Variants in ATM observed in about 807,000 individuals in gnomAD.
ATM encodes serine-protein kinase ATM.
In ATM, 308 loss-of-function variants were observed where a neutral mutation model predicts 387.0. The observed-to-expected ratio is 0.80, with a 90% confidence interval of 0.73 to 0.87. ATM has a LOEUF of 0.87. ATM is among the 40% of genes least tolerant of loss of function. The pLI, the probability that ATM is intolerant of heterozygous loss-of-function variation, is 0.00. For missense variants in ATM, 3,312 were observed against 3,560.9 expected, an observed-to-expected ratio of 0.93 and a Z score of 1.78; for synonymous variants, 1,156 against 1,187.3, an observed-to-expected ratio of 0.97 and a Z score of 0.54.
chr11:108,292,922 GA>G, intron 30 of ATM, 129 bp downstream of exon 30: 2 of 1,164,670 alleles, frequency 1.7e-6, no homozygotes, highest in Non-Finnish European at 2.5e-6. Context: ...AAAATGATTG[GA>G]AAAATATTCT....
rs567344545 is a variant in ATM at position 108,281,070 on chromosome 11, G to C, written c.3478G>C (p.Val1160Leu). The C allele has an allele frequency of 8.7e-6, 14 of 1,613,762 alleles. No individual in the cohort carries two copies. The highest frequency in any genetic ancestry group is 1.2e-5 in the Non-Finnish European group (14 of 1,179,850). The change falls in exon 24 of 63, where the codon GTG becomes CTG. Residue 1160 changes from valine to leucine, a missense_variant. Around this residue, in one of 4 missense-constraint regions of ATM, gnomAD observed 1,791 missense variants for 1,804.5 expected, o/e 0.99. Coordinates refer to ENST00000675843, the MANE Select transcript of ATM (RefSeq NM_000051.4). ...RKSVLLTLIA[V>L]VLSCSPICEK... Reference sequence around the variant, plus strand: ...ATCTGTTTTACTGACGTTGATAGCTGTGGTTTTATCCTGTAGCCCTATCTG... The same window carrying C: ...ATCTGTTTTACTGACGTTGATAGCTCTGGTTTTATCCTGTAGCCCTATCTG...
rs1220608739 is a variant in ATM at position 108,253,852 on chromosome 11, CAGAAGT to C, written c.1943_1948del (p.Val648_Glu649del). 6.2e-7 allele frequency: 1 copy of C among 1,613,704 alleles called. No homozygotes were observed. Among genetic ancestry groups the C allele is most frequent in the Non-Finnish European group, 8.5e-7 (1 of 1,179,910 alleles). On this transcript the variant is annotated inframe_deletion, in exon 13 of 63. Transcript: ENST00000675843. ...AAAGATAAAGAAGAACTTTCATTCT[CAGAAGT>C]AGAAGAACTATTTCTTCAGACAACT...
chr11:108,258,643 T>C (rs1268938244), intron 15 of ATM, among the ~76,000 whole-genome samples: 1 of 152,224 alleles, frequency 6.6e-6, no homozygotes, highest in Non-Finnish European at 1.5e-5. Flanking sequence ...TACATGGCCA[T>C]ATAGCAATAT....
At chr11:108,298,078 C>A (rs2083220484) in intron 33 of ATM, among the ~76,000 whole-genome samples, 1 of 152,046 alleles carries the variant, frequency 6.6e-6, no homozygotes, top group African/African-American at 2.4e-5. Context: ...TAATTAAAAA[C>A]CATTCAAGTC....
In ATM at chr11:108,284,606, A is replaced by G. The variant is rs142220799; in HGVS notation, c.3993+133A>G. 2,892 of 1,232,712 alleles carry G rather than the reference A, an allele frequency of 2.3e-3. 33 individuals are homozygous for G. The African/African-American group carries it at 0.025, about 11-fold the overall frequency. 76.4% of individuals were successfully genotyped at this position (1,232,712 alleles called of 1,614,324 possible). A position where few individuals can be genotyped will look rare whatever the true frequency, so the allele number is the denominator to read the frequency against. On this transcript the variant is annotated intron_variant, in intron 26 of 62. Transcript: ENST00000675843. ...TAGCTTGTGGTAATCATTATCTAGC[A>G]TAGCCAACCCATGAATTTTTTTGGT...
rs571402682 is a variant in ATM, at chr11:108,271,228, C to A, written c.2922-23C>A. The A allele has an allele frequency of 1.7e-4, 272 of 1,565,974 alleles. No individual in the cohort carries two copies. The highest frequency in any genetic ancestry group is 9.0e-4 in the Admixed American group (52 of 57,936). ...GTTCTGTTAAGCTTATAAAGTTGAA[C>A]TTTTTTTTTTTTTTTACCACAGCAA... On this transcript the variant is annotated intron_variant, in intron 19 of 62. Coordinates refer to ENST00000675843, the MANE Select transcript of ATM (RefSeq NM_000051.4).
chr11:108,363,480 G>T (rs530844011), intron 61 of ATM, among the ~76,000 whole-genome samples: 1 of 152,268 alleles, frequency 6.6e-6, no homozygotes, highest in Non-Finnish European at 1.5e-5. Context: ...TTAGCCAAGA[G>T]CAGTTTTGTC....
intron 39 of ATM, among the ~76,000 whole-genome samples, chr11:108,312,030 A>T (rs1204701489): frequency 1.3e-5 from 2 of 152,182 alleles, no homozygotes; most frequent in Non-Finnish European, 2.9e-5. Flanking sequence ...GTTAAGTATT[A>T]AATTCTGTCT....
rs1319582645 is a variant in ATM at position 108,365,354 on chromosome 11, C to T, written c.9017C>T (p.Ala3006Val). The T allele has an allele frequency of 1.9e-6, 3 of 1,614,036 alleles. No homozygotes were observed. Among genetic ancestry groups the T allele is most frequent in the Non-Finnish European group, 2.5e-6 (3 of 1,180,036 alleles). ...SDIDQSFNKV[A>V]ERVLMRLQEK... ...ATTGACCAGAGTTTCAACAAAGTAG[C>T]TGAACGTGTCTTAATGAGACTACAA... is the stretch of plus-strand genomic sequence containing the variant. Residue 3006 changes from alanine (A) to valine (V), a missense_variant, in exon 63 of 63, where the codon GCT (alanine) becomes GTT (valine). Transcript: ENST00000675843.
At chr11:108,274,138 A>C (rs2081786646) in intron 22 of ATM, among the ~76,000 whole-genome samples, 1 of 151,736 alleles carries the variant, frequency 6.6e-6, no homozygotes, top group African/African-American at 2.4e-5. Context: ...TTTCTTCTAG[A>C]TTTTCTAGTT....
At chr11:108,328,961 A>T in intron 48 of ATM, 60 bp from the exon 49 acceptor site, 5 of 1,486,470 alleles carry the variant, frequency 3.4e-6, no homozygotes, top group Non-Finnish European at 4.6e-6. Flanking sequence ...AATTTGAGTG[A>T]TTCTTTAGAT....
rs1038602842 is a variant in ATM, at chr11:108,367,328, G to GT, written c.*1821dup. On this transcript the variant is annotated 3_prime_UTR_variant, in exon 63 of 63. Coordinates refer to ENST00000675843, the MANE Select transcript of ATM (RefSeq NM_000051.4). Reference sequence around the variant, plus strand: ...TGACCGTAAGGATTTCCCCTTTCTTGTAAGTTCTGCTATGTATTTAAAAGA... The same window carrying GT: ...TGACCGTAAGGATTTCCCCTTTCTTGTTAAGTTCTGCTATGTATTTAAAAGA... 1.7e-4 allele frequency: 31 copies of GT among 184,098 alleles called. No homozygotes were observed. Among genetic ancestry groups the GT allele is most frequent in the East Asian group, 1.8e-4 (2 of 11,362 alleles). 11.4% of individuals were successfully genotyped at this position (184,098 alleles called of 1,614,324 possible).
intron 61 of ATM, among the ~76,000 whole-genome samples, chr11:108,360,851 G>C (rs1417575957): frequency 1.7e-4 from 17 of 101,192 alleles, no homozygotes; most frequent in South Asian, 7.9e-4. Flanking sequence ...TACTGAATGG[G>C]CAAAAACTGG....
At chr11:108,363,451 C>T (rs906427739) in intron 61 of ATM, among the ~76,000 whole-genome samples, 1 of 152,164 alleles carries the variant, frequency 6.6e-6, no homozygotes, top group African/African-American at 2.4e-5. Context: ...ATATATCTCT[C>T]CCTCTAACTC....
chr11:108,227,948 G>T, intron 3 of ATM, 60 bp downstream of exon 3: 1 of 1,395,218 alleles, frequency 7.2e-7, no homozygotes, highest in Non-Finnish European at 1.0e-6. Context: ...TATTTCTGTT[G>T]TGATATTACT....
intron 4 of ATM, among the ~76,000 whole-genome samples, chr11:108,233,112 T>C (rs1454995264): frequency 1.3e-5 from 2 of 152,190 alleles, no homozygotes; most frequent in African/African-American, 4.8e-5. Context: ...TCCACCTGCC[T>C]TGTCATCCCA....
intron 5 of ATM, among the ~76,000 whole-genome samples, chr11:108,239,669 C>T (rs1316311189): frequency 2.0e-5 from 3 of 152,148 alleles, no homozygotes; most frequent in Non-Finnish European, 2.9e-5. Context: ...AGTAGAATTG[C>T]TAGATCATGT....
chr11:108,233,772 A>G (rs1394113061), intron 4 of ATM, among the ~76,000 whole-genome samples: 1 of 151,980 alleles, frequency 6.6e-6, no homozygotes, highest in Non-Finnish European at 1.5e-5. Context: ...CCTTAAGTCC[A>G]GGAGGTCAAG....
chr11:108,326,220 G>C lies in ATM; in HGVS notation c.6970G>C (p.Ala2324Pro), dbSNP rs2136340252. Residue 2324 changes from alanine (A) to proline (P), a missense_variant, in exon 47 of 63, where the codon GCA (alanine) becomes CCA (proline). This residue lies in a region of ATM where 1,405 missense variants were observed against 1,604.4 expected (regional missense o/e 0.88). Coordinates refer to ENST00000675843, the MANE Select transcript of ATM (RefSeq NM_000051.4). ...QMIKKLDASC[A>P]ANNPSLKLTY... Reference sequence around the variant, plus strand: ...GATCAAGAAGTTGGATGCCAGCTGTGCAGCGGTTTGTTTTTTTTATTGGCT... The same window carrying C: ...GATCAAGAAGTTGGATGCCAGCTGTCCAGCGGTTTGTTTTTTTTATTGGCT... 6.2e-7 allele frequency: 1 copy of C among 1,614,064 alleles called. No individual in the cohort carries two copies. Among genetic ancestry groups the C allele is most frequent in the Non-Finnish European group, 8.5e-7 (1 of 1,179,998 alleles).
Sources: allele counts gnomAD v4.1 joint callset (sites outside exome capture counted in the v4.1 genomes callset), GRCh38; gene constraint gnomAD v4.1.1; regional missense constraint gnomAD v4.1.1; transcripts MANE v1.5; gene names NCBI Gene and HGNC (gene_info 2026-07-23, HGNC 2026-07-21).